Variants in ELN observed in about 807,000 individuals in gnomAD.
ELN encodes tropoelastin.
Under a neutral mutation model 105.8 loss-of-function variants are expected in ELN, and 65 were observed. The observed-to-expected ratio is 0.61, with a 90% CI of 0.50 to 0.75. The LOEUF is 0.75. ELN is among the 30% of genes least tolerant of loss of function. The pLI, the probability that ELN is intolerant of heterozygous loss-of-function variation, is 0.00. For missense variants in ELN, 882 were observed against 969.4 expected (o/e 0.91, Z 1.20); for synonymous variants, 368 against 389.2 (o/e 0.95, Z 0.64).
chr7:74,049,523 A>G (rs1468461610), intron 15 of ELN, among the ~76,000 whole-genome samples: 8 of 150,794 alleles, frequency 5.3e-5, no homozygotes, highest in African/African-American at 1.7e-4. Flanking sequence ...CCATCCAACC[A>G]TTCCTCCATG....
chr7:74,060,953 C>A (rs1796511575), intron 25 of ELN, 148 bp from the exon 26 acceptor site: 2 of 967,852 alleles, frequency 2.1e-6, no homozygotes, highest in Non-Finnish European at 3.3e-6. Flanking sequence ...CACTGTTCAG[C>A]CCTAAAGCTC....
chr7:74,045,171 C>G (rs975058488), intron 9 of ELN, 51 bp from the exon 10 acceptor site: 1 of 1,608,624 alleles, frequency 6.2e-7, no homozygotes, highest in Admixed American at 1.7e-5. Context: ...GGGTTCCCAG[C>G]AGGGCCTGCA....
intron 18 of ELN, among the ~76,000 whole-genome samples, 165 bp from the exon 19 acceptor site, chr7:74,054,551 G>C (rs1794844185): frequency 6.6e-6 from 1 of 152,016 alleles, no homozygotes; most frequent in African/African-American, 2.4e-5. Context: ...TGGGTATACA[G>C]ATGGGCAGGT....
chr7:74,053,205 C>A lies in ELN; in HGVS notation c.992C>A (p.Pro331Gln). 6.2e-7 allele frequency: 1 copy of A among 1,614,118 alleles called. No individual in the cohort carries two copies. Among genetic ancestry groups the A allele is most frequent in the Non-Finnish European group, 8.5e-7 (1 of 1,180,010 alleles). ...GTGCCTGGTGGGCCAGGCTTTGGCCCGGGAGTAGTTGGTGTCCCAGGAGCT... is the reference window on the plus strand; with the variant it reads ...GTGCCTGGTGGGCCAGGCTTTGGCCAGGGAGTAGTTGGTGTCCCAGGAGCT... ...GLVPGGPGFG[P>Q]GVVGVPGAGV... The change falls in exon 18 of 33, where the codon CCG (proline) becomes CAG (glutamine). Residue 331 changes from proline (P) to glutamine (Q), a missense_variant. Transcript: ENST00000252034.
chr7:74,068,662 G>A lies in ELN; in HGVS notation c.2137G>A (p.Ala713Thr), dbSNP rs781904327. The A allele has an allele frequency of 5.6e-6, 9 of 1,614,002 alleles. No homozygotes were observed. Among genetic ancestry groups the A allele is most frequent in the African/African-American group, 5.3e-5 (4 of 74,898 alleles). The part of the protein sequence containing the change: ...FGLSPIFPGG[A>T]CLGKACGRKR... ...GTGCACCTCCTCCCGTCCAGGTGGG[G>A]CCTGCCTGGGGAAAGCTTGTGGCCG... Residue 713 changes from alanine to threonine, a missense_variant, in exon 33 of 33, where the codon GCC becomes ACC. Ala to Thr is a moderately conservative substitution (Grantham distance 58). Coordinates refer to ENST00000252034, the MANE Select transcript of ELN (RefSeq NM_000501.4).
chr7:74,030,547 TTTTTA>T (rs1288742304), intron 1 of ELN, among the ~76,000 whole-genome samples: 3 of 151,810 alleles, frequency 2.0e-5, no homozygotes, highest in African/African-American at 4.8e-5. Context: ...TCCTTTTTTA[TTTTTA>T]TTTTTTTACC....
At chr7:74,035,725 A>C (rs1789783615) in intron 2 of ELN, 1 of 429,098 alleles carries the variant, frequency 2.3e-6, no homozygotes, top group South Asian at 2.3e-5. Context: ...CACACACACA[A>C]ATTTAAAATT....
chr7:74,062,732 G>A (rs782732169), intron 26 of ELN, among the ~76,000 whole-genome samples: 45 of 151,988 alleles, frequency 3.0e-4, no homozygotes, highest in African/African-American at 8.7e-4. Context: ...TGTATTTTTC[G>A]TAGAAACAGG....
chr7:74,030,425 A>G (rs1268746487), intron 1 of ELN, among the ~76,000 whole-genome samples: 3 of 148,132 alleles, frequency 2.0e-5, no homozygotes, highest in Admixed American at 1.3e-4. Context: ...AAATTAACCC[A>G]GGGATAATTC....
chr7:74,056,197 C>T, intron 19 of ELN, 74 bp from the exon 20 acceptor site: 1 of 1,585,938 alleles, frequency 6.3e-7, no homozygotes, highest in South Asian at 1.1e-5. Flanking sequence ...TTTCCCAATC[C>T]ATCAGCATCC....
intron 10 of ELN, chr7:74,045,839 A>G: frequency 3.0e-6 from 1 of 338,706 alleles, no homozygotes; most frequent in South Asian, 3.0e-5. Context: ...ACCTGAGGTC[A>G]GCCTGACCAA....
chr7:74,063,430 G>A lies in ELN; in HGVS notation c.1918+61G>A. ...CCCCCAGGCCCCCAGGGTGTGGGAG[G>A]AGCTTCTGACCAGGCACTGTAGACT... is the stretch of plus-strand genomic sequence containing the variant. On this transcript the variant is annotated intron_variant, in intron 28 of 32. Transcript: ENST00000252034. The surrounding 1 kb of genome is among the most constrained non-coding windows in gnomAD (Gnocchi z 4.1). The A allele has an allele frequency of 6.5e-7, 1 of 1,549,144 alleles. No homozygotes were observed. The highest frequency in any genetic ancestry group is 1.4e-5 in the African/African-American group (1 of 73,192).
intron 1 of ELN, among the ~76,000 whole-genome samples, chr7:74,034,958 G>A (rs1398843593): frequency 3.3e-5 from 5 of 151,918 alleles, no homozygotes; most frequent in African/African-American, 7.3e-5. Flanking sequence ...GAAATTAGCC[G>A]TGCTTGGTGG....
intron 21 of ELN, 61 bp downstream of exon 21, chr7:74,056,774 C>G: frequency 1.2e-6 from 2 of 1,610,408 alleles, no homozygotes; most frequent in South Asian, 2.2e-5. Context: ...CAGGGTCCAA[C>G]CTCAGGGCAA....
chr7:74,044,070 G>A, intron 9 of ELN, 150 bp downstream of exon 9: 1 of 1,080,068 alleles, frequency 9.3e-7, no homozygotes, highest in East Asian at 2.6e-5. Context: ...TCATAGTAAG[G>A]CCCTCGTCTC....
chr7:74,036,483 A>G (rs1789970756), intron 2 of ELN, 72 bp from the exon 3 acceptor site: 2 of 1,602,846 alleles, frequency 1.2e-6, no homozygotes, highest in African/African-American at 1.3e-5. Flanking sequence ...ATTCAGCCAT[A>G]GCTGGGGGTG....
intron 25 of ELN, 127 bp from the exon 26 acceptor site, chr7:74,060,974 C>A: frequency 8.7e-7 from 1 of 1,149,518 alleles, no homozygotes; most frequent in Non-Finnish European, 1.3e-6. Context: ...TGTGCCTGTA[C>A]AGCTTCAGGG....
chr7:74,065,565 G>A (rs1797751436), intron 29 of ELN, 129 bp from the exon 30 acceptor site: 5 of 1,099,660 alleles, frequency 4.5e-6, no homozygotes, highest in Non-Finnish European at 6.6e-6. Flanking sequence ...AGTGAGCCGG[G>A]ATCGCGCCAC....
intron 21 of ELN, 66 bp downstream of exon 21, chr7:74,056,779 G>A (rs1284833796): frequency 1.2e-6 from 2 of 1,607,908 alleles, no homozygotes; most frequent in Non-Finnish European, 1.7e-6. Flanking sequence ...TCCAACCTCA[G>A]GGCAAACTGG....
Sources: gnomAD v4.1 joint callset for allele counts (sites outside exome capture counted in the v4.1 genomes callset) on GRCh38, gnomAD v4.1.1 for gene constraint, Gnocchi (gnomAD v3.1) non-coding constraint, MANE v1.5 for transcripts, NCBI Gene and HGNC (gene_info 2026-07-23, HGNC 2026-07-21) for gene names.